EGFR: variants seen among roughly 807,000 people sequenced by gnomAD.
The protein encoded by EGFR is avian erythroblastic leukemia viral (v-erb-b) oncogene homolog.
A neutral mutation model predicts 143.0 loss-of-function variants in EGFR; 58 were observed. That is an observed-to-expected ratio of 0.41 (90% confidence interval 0.33 to 0.50). EGFR has a LOEUF of 0.50. Among genes scored for constraint, EGFR ranks in the 20% least tolerant of loss-of-function variants. The pLI is 0.39. For synonymous variants in EGFR, 613 were observed against 594.4 expected (o/e 1.03, Z -0.45); for missense variants, 1,307 against 1,579.0 (o/e 0.83, Z 2.92).
intron 1 of EGFR, among the ~76,000 whole-genome samples, chr7:55,126,455 G>A (rs1310055496): frequency 6.6e-6 from 1 of 152,186 alleles, no homozygotes. Context: ...AACAGACAAG[G>A]ACAGTGAAGC....
intron 1 of EGFR, among the ~76,000 whole-genome samples, chr7:55,045,280 C>T (rs1312818005): frequency 1.3e-5 from 2 of 152,194 alleles, no homozygotes; most frequent in African/African-American, 2.4e-5. Context: ...GTCTGTAATG[C>T]AGTTGCTCCT....
chr7:55,179,641 C>T (rs845555), intron 19 of EGFR: 73,450 of 152,040 alleles, frequency 0.48, 17,925 homozygotes, highest in East Asian at 0.61. Flanking sequence ...GCAAGGAAAG[C>T]GTGTGAGCAT....
intron 1 of EGFR, among the ~76,000 whole-genome samples, chr7:55,063,309 TCC>T (rs992933763): frequency 7.2e-5 from 11 of 152,160 alleles, no homozygotes; most frequent in African/African-American, 2.7e-4. Flanking sequence ...TGAATCCTCT[TCC>T]CTGGTGAAGT....
intron 1 of EGFR, among the ~76,000 whole-genome samples, chr7:55,055,723 C>CACACACCA (rs1554318493): frequency 6.7e-6 from 1 of 148,234 alleles, no homozygotes; most frequent in African/African-American, 2.5e-5. Flanking sequence ...CACACACACA[C>CACACACCA]CACACACACA....
chr7:55,204,279 A>G (rs368705823), intron 27 of EGFR, among the ~76,000 whole-genome samples: 6,168 of 147,208 alleles, frequency 0.042, 410 homozygotes, highest in African/African-American at 0.15. Flanking sequence ...CCACACATAC[A>G]TACACATCCA....
chr7:55,143,623 G>A lies in EGFR; in HGVS notation c.424+135G>A, dbSNP rs4947984. ...ACCCAGTACACGTGCACTGAGTGCC[G>A]GCTGTGTGTAAGATACTGCAGGGGA... On this transcript the variant is annotated intron_variant, in intron 3 of 27. Transcript: ENST00000275493. 56,517 of 962,252 alleles carry A rather than the reference G, an allele frequency of 0.059. 1,935 individuals carry two copies. The highest frequency in any genetic ancestry group is 0.14 in the Middle Eastern group (456 of 3,324). 59.6% of individuals were successfully genotyped at this position (962,252 alleles called of 1,614,324 possible). A position where few individuals can be genotyped will look rare whatever the true frequency, so the allele number is the denominator to read the frequency against.
chr7:55,019,466 C>T (rs372685289), intron 1 of EGFR, 101 bp downstream of exon 1: 1 of 613,282 alleles, frequency 1.6e-6, no homozygotes, highest in Non-Finnish European at 2.2e-6. Context: ...GGCGCCCGCG[C>T]CCCCGCCCGT....
intron 17 of EGFR, 71 bp downstream of exon 17, chr7:55,173,195 G>C (rs548347582): frequency 1.3e-6 from 2 of 1,588,790 alleles, no homozygotes; most frequent in Non-Finnish European, 8.5e-7. Flanking sequence ...CCCCGAGAAC[G>C]GGCCATTAGC....
intron 1 of EGFR, among the ~76,000 whole-genome samples, chr7:55,038,784 ATTATT>A (rs1177873431): frequency 1.3e-5 from 2 of 152,024 alleles, no homozygotes; most frequent in South Asian, 2.1e-4. Context: ...TTGCAATATT[ATTATT>A]TTAAATAGCC....
rs2128946424 is a variant in EGFR at position 55,165,392 on chromosome 7, A to G, written c.1835A>G (p.Asp612Gly). The G allele has an allele frequency of 6.2e-7, 1 of 1,614,170 alleles. No homozygotes were observed. The highest frequency in any genetic ancestry group is 8.5e-7 in the Non-Finnish European group (1 of 1,180,018). The change falls in exon 15 of 28, where the codon GAC becomes GGC. Residue 612 changes from aspartate to glycine, a missense_variant. Physicochemically the swap from Asp to Gly is moderately conservative, Grantham distance 94. Transcript: ENST00000275493. The stretch of plus-strand genomic sequence containing the variant: ...AACACCCTGGTCTGGAAGTACGCAG[A>G]CGCCGGCCATGTGTGCCACCTGTGC... ...ENNTLVWKYA[D>G]AGHVCHLCHP...
intron 20 of EGFR, 96 bp from the exon 21 acceptor site, chr7:55,191,623 A>G (rs2128964152): frequency 6.5e-7 from 1 of 1,541,818 alleles, no homozygotes; most frequent in South Asian, 1.1e-5. Context: ...CGACGTGGAG[A>G]GGCTCAGAGC....
intron 1 of EGFR, among the ~76,000 whole-genome samples, chr7:55,072,795 C>T (rs905120860): frequency 1.3e-5 from 2 of 152,162 alleles, no homozygotes; most frequent in Admixed American, 6.5e-5. Flanking sequence ...AAAGATAGTG[C>T]AGATGGAAAG....
intron 23 of EGFR, among the ~76,000 whole-genome samples, chr7:55,199,901 A>G (rs1321905976): frequency 1.3e-5 from 2 of 152,102 alleles, no homozygotes; most frequent in Non-Finnish European, 2.9e-5. Context: ...TTTAAAGCCT[A>G]TTTTTCTAAG....
At position 55,064,598 on chromosome 7, in the gene EGFR, G is replaced by A. The variant is rs73696519; in HGVS notation, c.88+45233G>A. 1.0e-3 allele frequency among the ~76,000 whole-genome samples: 152 copies of A among 152,240 alleles called. 1 individual carries two copies. The highest frequency in any genetic ancestry group is 3.5e-3 in the African/African-American group (146 of 41,546). On this transcript the variant is annotated intron_variant, in intron 1 of 27. Transcript: ENST00000275493. ...GGTTCTTCAAACTCTCAGTCAGTGC[G>A]CATTTACTCTTAATTTAGATACGGT... is the stretch of plus-strand genomic sequence containing the variant.
At chr7:55,064,983 C>A (rs1304158896) in intron 1 of EGFR, among the ~76,000 whole-genome samples, 4 of 152,184 alleles carry the variant, frequency 2.6e-5, no homozygotes, top group Non-Finnish European at 5.9e-5. Flanking sequence ...CTCACCATAC[C>A]ACAAACCAAA....
At chr7:55,144,146 T>G (rs751198393) in intron 3 of EGFR, among the ~76,000 whole-genome samples, 12 of 152,218 alleles carry the variant, frequency 7.9e-5, no homozygotes, top group Non-Finnish European at 1.5e-4. Context: ...CCACAACCTT[T>G]CTTCAAAGTA....
At chr7:55,019,634 C>G (rs1008587437) in intron 1 of EGFR, among the ~76,000 whole-genome samples, 1 of 152,092 alleles carries the variant, frequency 6.6e-6, no homozygotes, top group Non-Finnish European at 1.5e-5. Flanking sequence ...CCGGGACCTC[C>G]GGCGCCCCGA....
In EGFR at chr7:55,041,990, A is replaced by T. The variant is rs528924554; in HGVS notation, c.88+22625A>T. Among the ~76,000 whole-genome samples, 6 of 152,336 alleles carry T rather than the reference A, an allele frequency of 3.9e-5. No homozygotes were observed. In the South Asian group the frequency reaches 1.0e-3, roughly 26 times the overall value. On this transcript the variant is annotated intron_variant, in intron 1 of 27. Coordinates refer to ENST00000275493, the MANE Select transcript of EGFR (RefSeq NM_005228.5). ...AGCATTCACCAGCACCAAAAAGCTCAGAGACATATATTTCTTTCTCTGTAT... is the reference window on the plus strand; with the variant it reads ...AGCATTCACCAGCACCAAAAAGCTCTGAGACATATATTTCTTTCTCTGTAT...
intron 1 of EGFR, among the ~76,000 whole-genome samples, chr7:55,027,702 G>A (rs552823486): frequency 6.6e-6 from 1 of 152,094 alleles, no homozygotes; most frequent in Admixed American, 6.5e-5. Context: ...TCTTCCTACA[G>A]AAATCTAAGA....
Sources: gnomAD v4.1 joint callset for allele counts (sites outside exome capture counted in the v4.1 genomes callset) on GRCh38, gnomAD v4.1.1 for gene constraint, MANE v1.5 for transcripts, NCBI Gene and HGNC (gene_info 2026-07-23, HGNC 2026-07-21) for gene names.